The following NTNG1 variants were observed in gnomAD, a reference collection of about 807,000 sequenced individuals.
NTNG1 encodes the protein netrin-G1.
A neutral mutation model predicts 54.0 loss-of-function variants in NTNG1; 16 were observed. The observed-to-expected ratio is 0.30, with a 90% CI of 0.20 to 0.45. NTNG1 has a LOEUF of 0.45. NTNG1 is among the 20% of genes least tolerant of loss of function. The pLI is 1.00. For missense variants in NTNG1, 530 were observed against 678.7 expected, an observed-to-expected ratio of 0.78 and a Z score of 2.43; for synonymous variants, 255 against 263.1, an observed-to-expected ratio of 0.97 and a Z score of 0.30.
intron 2 of NTNG1, among the ~76,000 whole-genome samples, chr1:107,270,188 T>C (rs1240709503): frequency 6.6e-6 from 1 of 152,262 alleles, no homozygotes; most frequent in Admixed American, 6.5e-5. Flanking sequence ...GTGCTGTATA[T>C]TCTTTTATTA....
chr1:107,426,106 T>C (rs529035283), intron 5 of NTNG1, among the ~76,000 whole-genome samples: 1 of 152,264 alleles, frequency 6.6e-6, no homozygotes, highest in Non-Finnish European at 1.5e-5. Flanking sequence ...TTCTAAATAC[T>C]TCTCCCATTC....
chr1:107,344,774 A>T (rs1557917550), intron 3 of NTNG1, among the ~76,000 whole-genome samples: 1 of 152,074 alleles, frequency 6.6e-6, no homozygotes, highest in Non-Finnish European at 1.5e-5. Flanking sequence ...TCTCACTTTT[A>T]TTCTGAAACT....
chr1:107,425,703 G>C (rs1674864989), intron 5 of NTNG1, among the ~76,000 whole-genome samples: 1 of 152,080 alleles, frequency 6.6e-6, no homozygotes, highest in Admixed American at 6.6e-5. Context: ...CCCAGTAGTA[G>C]AATTGCTGGG....
chr1:107,324,596 C>T lies in NTNG1; in HGVS notation c.561C>T (p.His187=), dbSNP rs775366495. ...CCACAGACTGCTTAGATGCTTTTCACATGGATCCTAAATCCGTGAAGGATT... is the reference window on the plus strand; with the variant it reads ...CCACAGACTGCTTAGATGCTTTTCATATGGATCCTAAATCCGTGAAGGATT... ...YYATDCLDAF[H]MDPKSVKDLS... Residue 187 remains histidine, a synonymous_variant, in exon 3 of 8, where the codon CAC becomes CAT. Coordinates refer to ENST00000370068, the MANE Select transcript of NTNG1 (RefSeq NM_001113226.3). 4.3e-6 allele frequency: 7 copies of T among 1,613,662 alleles called. 1 individual carries two copies. The South Asian group carries it at 6.6e-5, about 15-fold the overall frequency.
At chr1:107,149,048 T>C (rs972221847) in intron 2 of NTNG1, among the ~76,000 whole-genome samples, 3 of 152,122 alleles carry the variant, frequency 2.0e-5, no homozygotes, top group African/African-American at 7.2e-5. Context: ...TGGAAGGAAC[T>C]TACTTTCCGC....
intron 2 of NTNG1, among the ~76,000 whole-genome samples, chr1:107,173,965 GT>G (rs2101102833): frequency 6.6e-6 from 1 of 152,112 alleles, no homozygotes; most frequent in Non-Finnish European, 1.5e-5. Context: ...GTTGAGTCCT[GT>G]TTAGGATTAA....
At chr1:107,152,705 GTCT>G (rs1446035026) in intron 2 of NTNG1, among the ~76,000 whole-genome samples, 1 of 152,130 alleles carries the variant, frequency 6.6e-6, no homozygotes, top group East Asian at 1.9e-4. Flanking sequence ...TTATTAAAAA[GTCT>G]TCTGTGCATG....
intron 2 of NTNG1, among the ~76,000 whole-genome samples, chr1:107,161,108 G>A (rs573139594): frequency 6.6e-6 from 1 of 152,184 alleles, no homozygotes; most frequent in South Asian, 2.1e-4. Flanking sequence ...AAGCTCCAAA[G>A]GGTAGGAACT....
chr1:107,404,052 C>G (rs1198707955), intron 4 of NTNG1, among the ~76,000 whole-genome samples: 1 of 149,478 alleles, frequency 6.7e-6, no homozygotes, highest in East Asian at 1.9e-4. Context: ...GCTTAAACTT[C>G]AGGATCCCTC....
At chr1:107,348,314 C>T (rs183454840) in intron 3 of NTNG1, among the ~76,000 whole-genome samples, 146 of 152,060 alleles carry the variant, frequency 9.6e-4, no homozygotes, top group Non-Finnish European at 1.7e-3. Flanking sequence ...TTAGAAGAGA[C>T]GGCGTTTTGC....
chr1:107,428,142 A>T (rs902713012), intron 5 of NTNG1, among the ~76,000 whole-genome samples: 2 of 152,072 alleles, frequency 1.3e-5, no homozygotes, highest in African/African-American at 4.8e-5. Flanking sequence ...CTTATTCTCT[A>T]CATTTCCCTA....
intron 4 of NTNG1, among the ~76,000 whole-genome samples, chr1:107,396,348 G>T (rs774279827): frequency 1.3e-5 from 2 of 152,054 alleles, no homozygotes; most frequent in African/African-American, 4.8e-5. Context: ...CAAGTTAAAC[G>T]TAAGAGTAAT....
At chr1:107,323,349 TAGTGTAGCATA>T (rs1667762161) in intron 2 of NTNG1, among the ~76,000 whole-genome samples, 1 of 152,132 alleles carries the variant, frequency 6.6e-6, no homozygotes, top group African/African-American at 2.4e-5. Flanking sequence ...AGTAGCCATT[TAGTGTAGCATA>T]AGCAGTGTTG....
At chr1:107,254,163 G>A (rs192028792) in intron 2 of NTNG1, among the ~76,000 whole-genome samples, 3 of 152,332 alleles carry the variant, frequency 2.0e-5, no homozygotes, top group Admixed American at 6.5e-5. Flanking sequence ...AGAACCAACT[G>A]AGGAAAATGT....
chr1:107,376,751 A>G (rs977333900), intron 3 of NTNG1, among the ~76,000 whole-genome samples: 9 of 152,094 alleles, frequency 5.9e-5, no homozygotes, highest in African/African-American at 1.9e-4. Context: ...TCTCGAGTGA[A>G]CCTTACTGGA....
Position 107,324,808 on chromosome 1 carries a change from C to G in NTNG1, c.773C>G (p.Thr258Arg). The G allele has an allele frequency of 6.2e-7, 1 of 1,613,600 alleles. No individual in the cohort carries two copies. The highest frequency in any genetic ancestry group is 8.5e-7 in the Non-Finnish European group (1 of 1,179,750). Residue 258 changes from threonine (T) to arginine (R), a missense_variant, in exon 3 of 8, where the codon ACA (threonine) becomes AGA (arginine). This residue lies in a region of NTNG1 where 318 missense variants were observed against 465.1 expected (regional missense o/e 0.68). Coordinates refer to ENST00000370068, the MANE Select transcript of NTNG1 (RefSeq NM_001113226.3). Reference sequence around the variant, plus strand: ...ACCAAGAAACTCAGAGATTTCTTTACAGTCACAGACCTGAGGATAAGGCTG... The same window carrying G: ...ACCAAGAAACTCAGAGATTTCTTTAGAGTCACAGACCTGAGGATAAGGCTG... ...DTTKKLRDFF[T>R]VTDLRIRLLR...
At chr1:107,423,542 G>A (rs1227255779) in intron 5 of NTNG1, among the ~76,000 whole-genome samples, 2 of 152,098 alleles carry the variant, frequency 1.3e-5, no homozygotes, top group African/African-American at 2.4e-5. Flanking sequence ...ACGTGGTACA[G>A]GGTAGTTCTC....
chr1:107,455,006 G>A (rs1377913188), intron 7 of NTNG1, among the ~76,000 whole-genome samples: 1 of 152,004 alleles, frequency 6.6e-6, no homozygotes, highest in East Asian at 1.9e-4. Flanking sequence ...GCCTTGTAGG[G>A]AAGCAGAGGC....
intron 2 of NTNG1, among the ~76,000 whole-genome samples, chr1:107,291,235 T>C (rs2101764398): frequency 6.6e-6 from 1 of 152,188 alleles, no homozygotes; most frequent in East Asian, 1.9e-4. Context: ...TGTTCTCTTC[T>C]TTATGATTTT....
Sources: gnomAD v4.1 joint callset for allele counts (sites outside exome capture counted in the v4.1 genomes callset) on GRCh38, gnomAD v4.1.1 for gene constraint, gnomAD v4.1.1 regional missense constraint, MANE v1.5 for transcripts, NCBI Gene and HGNC (gene_info 2026-07-23, HGNC 2026-07-21) for gene names.